NHERF1: variants seen among roughly 807,000 people sequenced by gnomAD.
NHERF1 encodes NHERF family PDZ scaffold protein 1, also known as Na(+)/H(+) exchange regulatory cofactor NHE-RF1.
chr17:74,754,545 A>G, the NHERF1 span, among the ~76,000 whole-genome samples: 2 of 151,668 alleles, frequency 1.3e-5, no homozygotes, highest in African/African-American at 2.4e-5. Flanking sequence ...TAGGATTACA[A>G]ACACCCGCCA....
the NHERF1 span, among the ~76,000 whole-genome samples, chr17:74,756,260 T>A: frequency 7.5e-6 from 1 of 133,382 alleles, no homozygotes; most frequent in Non-Finnish European, 1.6e-5. Context: ...ATTTTTCTTT[T>A]CTTTCTTTCT....
chr17:74,766,536 AT>A, the NHERF1 span, among the ~76,000 whole-genome samples: 28 of 152,146 alleles, frequency 1.8e-4, 1 homozygote, highest in African/African-American at 6.5e-4. Flanking sequence ...ATGAAATGAA[AT>A]TAAAAATATC....
chr17:74,764,429 G>A, the NHERF1 span, among the ~76,000 whole-genome samples: 1 of 152,292 alleles, frequency 6.6e-6, no homozygotes, highest in Non-Finnish European at 1.5e-5. This position sits in a 1 kb window ranked among gnomAD's most constrained non-coding sequence, Gnocchi z 4.9. Flanking sequence ...GCTGGCTCTG[G>A]GCATGGGAGG....
chr17:74,768,661 C>G, the NHERF1 span: 2 of 1,612,858 alleles, frequency 1.2e-6, no homozygotes, highest in Non-Finnish European at 1.7e-6. Flanking sequence ...CTCTGAGCGC[C>G]CTGCTGCCAC....
the NHERF1 span, among the ~76,000 whole-genome samples, chr17:74,756,446 T>C: frequency 0.038 from 5,688 of 151,432 alleles, 198 homozygotes; most frequent in Admixed American, 0.11. Context: ...ATATGTCTAA[T>C]TTTCATATTT....
At chr17:74,752,788 AAC>A in the NHERF1 span, among the ~76,000 whole-genome samples, 1 of 152,124 alleles carries the variant, frequency 6.6e-6, no homozygotes, top group Admixed American at 6.5e-5. Flanking sequence ...TATCGCTCTA[AAC>A]ACACAATATT....
At chr17:74,762,248 T>TAC in the NHERF1 span, 1 of 1,334,242 alleles carries the variant, frequency 7.5e-7, no homozygotes, top group East Asian at 4.1e-5. This position sits in a 1 kb window ranked among gnomAD's most constrained non-coding sequence, Gnocchi z 4.2. Flanking sequence ...GCAGCCATCA[T>TAC]ACCATCATGG....
the NHERF1 span, among the ~76,000 whole-genome samples, chr17:74,756,048 G>A: frequency 6.7e-6 from 1 of 149,996 alleles, no homozygotes; most frequent in Non-Finnish European, 1.5e-5. Context: ...CCACCTCCCA[G>A]GTTCAAGCGA....
At chr17:74,767,353 C>T in the NHERF1 span, among the ~76,000 whole-genome samples, 1 of 152,202 alleles carries the variant, frequency 6.6e-6, no homozygotes, top group Non-Finnish European at 1.5e-5. Context: ...AAAGCCCCTC[C>T]TCCCCCCTTC....
chr17:74,758,227 G>A, the NHERF1 span, among the ~76,000 whole-genome samples: 2 of 152,196 alleles, frequency 1.3e-5, no homozygotes, highest in African/African-American at 2.4e-5. The surrounding 1 kb of genome is among the most constrained non-coding windows in gnomAD (Gnocchi z 4.3). Context: ...TTCCGTGCCC[G>A]CCATCCGCTC....
chr17:74,755,352 G>A, the NHERF1 span, among the ~76,000 whole-genome samples: 1 of 152,134 alleles, frequency 6.6e-6, no homozygotes, highest in Non-Finnish European at 1.5e-5. Flanking sequence ...TGGTAACCAA[G>A]TATCTACCCC....
chr17:74,754,165 A>T, the NHERF1 span, among the ~76,000 whole-genome samples: 2 of 151,774 alleles, frequency 1.3e-5, no homozygotes, highest in East Asian at 3.9e-4. Context: ...CTCATCTCCA[A>T]AATAAAAAAA....
At chr17:74,758,290 C>T in the NHERF1 span, among the ~76,000 whole-genome samples, 1 of 152,228 alleles carries the variant, frequency 6.6e-6, no homozygotes, top group African/African-American at 2.4e-5. The surrounding 1 kb of genome is among the most constrained non-coding windows in gnomAD (Gnocchi z 4.3). Context: ...CGCGGTGAAG[C>T]TCCCTGGGGG....
the NHERF1 span, chr17:74,749,347 C>T: frequency 1.5e-5 from 22 of 1,425,286 alleles, no homozygotes; most frequent in Non-Finnish European, 2.0e-5. The surrounding 1 kb of genome is among the most constrained non-coding windows in gnomAD (Gnocchi z 5.6). Context: ...CGGAGAGACC[C>T]AGGTGCCCCG....
chr17:74,768,883 C>T, the NHERF1 span: 19 of 567,022 alleles, frequency 3.4e-5, no homozygotes, highest in South Asian at 3.8e-4. Context: ...CTCCTCCTCA[C>T]TGAGTGCCTC....
At chr17:74,768,982 C>T in the NHERF1 span, 1 of 398,706 alleles carries the variant, frequency 2.5e-6, no homozygotes. Flanking sequence ...GAGAGGGCAC[C>T]CTCCCTTCCT....
chr17:74,764,517 G>A, the NHERF1 span, among the ~76,000 whole-genome samples: 1 of 152,146 alleles, frequency 6.6e-6, no homozygotes, highest in Non-Finnish European at 1.5e-5. This position sits in a 1 kb window ranked among gnomAD's most constrained non-coding sequence, Gnocchi z 4.9. Context: ...CACTGAGGGG[G>A]AGACTAAGGC....
chr17:74,763,465 A>C, the NHERF1 span: 1 of 1,612,976 alleles, frequency 6.2e-7, no homozygotes, highest in South Asian at 1.1e-5. Flanking sequence ...TGGACAGGGA[A>C]ACTGACGAGT....
the NHERF1 span, among the ~76,000 whole-genome samples, chr17:74,760,348 C>T: frequency 1.3e-5 from 2 of 152,146 alleles, no homozygotes; most frequent in African/African-American, 4.8e-5. The surrounding 1 kb of genome is among the most constrained non-coding windows in gnomAD (Gnocchi z 4.5). Flanking sequence ...CTTTGTGAGC[C>T]ACTCACGTTT....
Sources: gnomAD v4.1 joint callset for allele counts (sites outside exome capture counted in the v4.1 genomes callset) on GRCh38, gnomAD v4.1.1 for gene constraint, Gnocchi (gnomAD v3.1) non-coding constraint, MANE v1.5 for transcripts, NCBI Gene and HGNC (gene_info 2026-07-23, HGNC 2026-07-21) for gene names.